LAMA1: variants seen among roughly 807,000 people sequenced by gnomAD.
The protein encoded by LAMA1 is laminin subunit alpha 1.
LAMA1 carries 219 observed loss-of-function variants against 348.7 expected under a neutral mutation model. The observed-to-expected ratio is 0.63, with a 90% CI of 0.56 to 0.70. LAMA1 has a LOEUF of 0.70. Ranked by LOEUF, LAMA1 falls within the 30% of genes least tolerant of loss-of-function variation. The pLI is 0.00. For synonymous variants in LAMA1, 1,487 were observed against 1,491.0 expected (o/e 1.00, Z 0.06); for missense variants, 3,744 against 3,888.0 (o/e 0.96, Z 0.99).
intron 32 of LAMA1, among the ~76,000 whole-genome samples, chr18:6,998,094 C>T (rs112105952): frequency 8.2e-4 from 124 of 152,042 alleles, no homozygotes; most frequent in Non-Finnish European, 1.2e-3. Context: ...TCAATGATGA[C>T]GCCAAGACTC....
At chr18:7,021,160 G>A (rs607255) in intron 19 of LAMA1, among the ~76,000 whole-genome samples, 52,572 of 151,838 alleles carry the variant, frequency 0.35, 10,131 homozygotes, top group African/African-American at 0.52. Flanking sequence ...CCATCCTTCA[G>A]GTCTCAGATG....
At chr18:6,952,358 G>A (rs1486318200) in intron 57 of LAMA1, among the ~76,000 whole-genome samples, 1 of 152,176 alleles carries the variant, frequency 6.6e-6, no homozygotes, top group Non-Finnish European at 1.5e-5. Flanking sequence ...GCGGGAGGCT[G>A]ACCGGATGGT....
chr18:6,985,847 C>G (rs1292887740), intron 37 of LAMA1, among the ~76,000 whole-genome samples: 2 of 152,188 alleles, frequency 1.3e-5, no homozygotes, highest in African/African-American at 2.4e-5. Context: ...CAACCTCCAT[C>G]TCCCAAGTTC....
chr18:7,014,076 A>C (rs1405977282), intron 22 of LAMA1, 25 bp from the exon 23 acceptor site: 1 of 1,568,928 alleles, frequency 6.4e-7, no homozygotes, highest in Non-Finnish European at 8.8e-7. Flanking sequence ...AACCAACTCA[A>C]TTAAAAAGGC....
intron 20 of LAMA1, 47 bp downstream of exon 20, chr18:7,017,231 C>T (rs779113571): frequency 1.9e-5 from 27 of 1,443,736 alleles, no homozygotes; most frequent in East Asian, 4.6e-5. Flanking sequence ...TGGATTCAAT[C>T]GCCTCTGTAC....
rs760700452 is a variant in LAMA1, at chr18:6,943,304, T to C, written c.8943A>G (p.Gln2981=). The C allele has an allele frequency of 3.1e-6, 5 of 1,614,216 alleles. No individual in the cohort carries two copies. In the East Asian group the frequency reaches 1.1e-4, roughly 36 times the overall value. ...TGATACGGTGTTTGCTTTTGTTAGC[T>C]TGAAGAGTGTGCCATTTTCCATCAC... is the stretch of plus-strand genomic sequence containing the variant. ...VLCDGKWHTL[Q]ANKSKHRITL... Residue 2981 remains glutamine (Q), a synonymous_variant, in exon 62 of 63, where the codon CAA becomes CAG. Coordinates refer to ENST00000389658, the MANE Select transcript of LAMA1 (RefSeq NM_005559.4).
intron 35 of LAMA1, 145 bp downstream of exon 35, chr18:6,993,496 T>C: frequency 1.4e-6 from 1 of 726,778 alleles, no homozygotes; most frequent in Non-Finnish European, 2.5e-6. Context: ...AGTTTGCACA[T>C]CTCAGGATCC....
At chr18:6,998,011 G>C in intron 32 of LAMA1, 127 bp from the exon 33 acceptor site, 1 of 816,142 alleles carries the variant, frequency 1.2e-6, no homozygotes, top group Non-Finnish European at 2.1e-6. Flanking sequence ...CCAAGACCCC[G>C]TGCACCACAT....
chr18:6,963,361 G>A (rs915110568), intron 51 of LAMA1, among the ~76,000 whole-genome samples: 5 of 152,336 alleles, frequency 3.3e-5, no homozygotes, highest in East Asian at 1.9e-4. Context: ...GATGGGATCT[G>A]GAGACAGCTT....
At chr18:7,001,563 TAA>T (rs2057807881) in intron 30 of LAMA1, among the ~76,000 whole-genome samples, 1 of 152,098 alleles carries the variant, frequency 6.6e-6, no homozygotes, top group Admixed American at 6.6e-5. Context: ...TTGGAGGCAA[TAA>T]AAAACAGAAG....
chr18:7,034,684 C>T lies in LAMA1; in HGVS notation c.1846G>A (p.Gly616Arg), dbSNP rs146460281. 1.4e-5 allele frequency: 23 copies of T among 1,612,368 alleles called. No individual in the cohort carries two copies. In the African/African-American group the frequency reaches 1.5e-4, roughly 10 times the overall value. The change falls in exon 14 of 63, where the codon GGA becomes AGA. Residue 616 changes from glycine to arginine, a missense_variant. Gly to Arg is a moderately radical substitution (Grantham distance 125). Around this residue, in one of 3 missense-constraint regions of LAMA1, gnomAD observed 1,529 missense variants for 1,689.4 expected, o/e 0.91. Transcript: ENST00000389658. ...TCAGCCTGTGTGCTTAAAGTGAGTC[C>T]GTTTCCCTAACATTTAAAAACAAGA... ...SHADVIIKGN[G>R]LTLSTQAEGL...
intron 42 of LAMA1, among the ~76,000 whole-genome samples, chr18:6,979,770 G>T (rs1354248050): frequency 6.6e-6 from 1 of 151,850 alleles, no homozygotes; most frequent in Non-Finnish European, 1.5e-5. Context: ...ACGGTGGCGG[G>T]CGCCTGTAGT....
At chr18:7,007,070 C>A (rs1393651013) in intron 29 of LAMA1, 69 bp downstream of exon 29, 4 of 1,592,996 alleles carry the variant, frequency 2.5e-6, no homozygotes, top group Admixed American at 1.8e-5. Context: ...ATGACTTAGA[C>A]CGGAAATCTG....
At chr18:6,951,453 T>C (rs949235550) in intron 57 of LAMA1, among the ~76,000 whole-genome samples, 2 of 152,170 alleles carry the variant, frequency 1.3e-5, no homozygotes, top group Admixed American at 1.3e-4. Flanking sequence ...AGGCTGCGCC[T>C]GGGTAGGCCC....
At chr18:7,051,008 T>C (rs2058060689) in intron 3 of LAMA1, 72 bp from the exon 4 acceptor site, 3 of 1,566,158 alleles carry the variant, frequency 1.9e-6, no homozygotes, top group African/African-American at 2.7e-5. Context: ...AGCTACTGCA[T>C]GATCTAACTT....
intron 1 of LAMA1, among the ~76,000 whole-genome samples, chr18:7,097,401 T>C (rs1013601328): frequency 6.6e-6 from 1 of 152,096 alleles, no homozygotes; most frequent in African/African-American, 2.4e-5. Context: ...GAAAAGATAT[T>C]TCTTATTCAT....
chr18:6,956,920 G>C, intron 55 of LAMA1, 155 bp from the exon 56 acceptor site: 1 of 775,118 alleles, frequency 1.3e-6, no homozygotes, highest in Non-Finnish European at 2.1e-6. Context: ...CTGTGACTCA[G>C]AGTCCAAACA....
chr18:7,081,441 ACTC>A (rs1425490692), intron 1 of LAMA1, among the ~76,000 whole-genome samples: 5 of 151,394 alleles, frequency 3.3e-5, no homozygotes, highest in Non-Finnish European at 4.4e-5. Flanking sequence ...CTCTTTCTTT[ACTC>A]CTGTTTTCTT....
intron 1 of LAMA1, among the ~76,000 whole-genome samples, chr18:7,101,462 T>C (rs1036731277): frequency 6.6e-6 from 1 of 152,096 alleles, no homozygotes; most frequent in African/African-American, 2.4e-5. Context: ...TGACTATCAG[T>C]TTGAAGGATA....
Sources: allele counts gnomAD v4.1 joint callset (sites outside exome capture counted in the v4.1 genomes callset), GRCh38; gene constraint gnomAD v4.1.1; regional missense constraint gnomAD v4.1.1; transcripts MANE v1.5; gene names NCBI Gene and HGNC (gene_info 2026-07-23, HGNC 2026-07-21).